SLC24A1: variants seen among roughly 807,000 people sequenced by gnomAD.
SLC24A1 encodes sodium/potassium/calcium exchanger 1.
SLC24A1 carries 52 observed loss-of-function variants against 88.1 expected under a neutral mutation model. That is an observed-to-expected ratio of 0.59 (90% confidence interval 0.47 to 0.74). The LOEUF is 0.74. Ranked by LOEUF, SLC24A1 falls within the 30% of genes least tolerant of loss-of-function variation. SLC24A1 has a pLI of 0.00. For missense variants in SLC24A1, 1,173 were observed against 1,363.3 expected, an observed-to-expected ratio of 0.86 and a Z score of 2.20; for synonymous variants, 455 against 498.0, an observed-to-expected ratio of 0.91 and a Z score of 1.15.
chr15:65,633,161 A>AT (rs1397979908), intron 2 of SLC24A1, among the ~76,000 whole-genome samples: 1 of 152,188 alleles, frequency 6.6e-6, no homozygotes, highest in Non-Finnish European at 1.5e-5. Flanking sequence ...TGAGAGGGCA[A>AT]TAAGAGACTG....
rs775293574 is a variant in SLC24A1 at position 65,644,477 on chromosome 15, G to A, written c.2104G>A (p.Ala702Thr). The A allele has an allele frequency of 1.3e-6, 2 of 1,596,830 alleles. No homozygotes were observed. Among genetic ancestry groups the A allele is most frequent in the Non-Finnish European group, 1.7e-6 (2 of 1,171,924 alleles). The change falls in exon 5 of 10, where the codon GCC becomes ACC. Residue 702 changes from alanine to threonine, a missense_variant. Transcript: ENST00000261892. ...EEESLNQGARAQPQAKAESKP... is the reference protein window; with the variant it reads ...EEESLNQGARTQPQAKAESKP... Reference sequence around the variant, plus strand: ...GGAGAGCTTGAATCAAGGGGCCAGAGCCCAACCCCAGGCCAAAGCAGAAAG... The same window carrying A: ...GGAGAGCTTGAATCAAGGGGCCAGAACCCAACCCCAGGCCAAAGCAGAAAG...
rs1211117958 is a variant in SLC24A1 at position 65,655,042 on chromosome 15, AC to A, written c.*964del. 3 of 1,042,234 alleles carry A rather than the reference AC, an allele frequency of 2.9e-6. No homozygotes were observed. Among genetic ancestry groups the A allele is most frequent in the Non-Finnish European group, 2.3e-6 (2 of 863,770 alleles). 64.6% of individuals were successfully genotyped at this position (1,042,234 alleles called of 1,614,324 possible). A position where few individuals can be genotyped will look rare whatever the true frequency, so the allele number is the denominator to read the frequency against. ...AAGGAATGGAGATTAGGGAAGGAAA[AC>A]TACTCTAGAGGCCATTTAAAAGTAT... On this transcript the variant is annotated 3_prime_UTR_variant, in exon 10 of 10. Coordinates refer to ENST00000261892, the MANE Select transcript of SLC24A1 (RefSeq NM_004727.3).
chr15:65,652,724 C>G lies in SLC24A1; in HGVS notation c.2966C>G (p.Thr989Ser). The G allele has an allele frequency of 6.2e-7, 1 of 1,613,854 alleles. No homozygotes were observed. Among genetic ancestry groups the G allele is most frequent in the Non-Finnish European group, 8.5e-7 (1 of 1,179,804 alleles). ...GGCACATCAATTCCTGACCTCATCA[C>G]CAGTGTGATTGTCGCTCGAAAAGGC... Reference protein sequence around the residue: ...AAGTSIPDLITSVIVARKGLG... With the variant: ...AAGTSIPDLISSVIVARKGLG... Residue 989 changes from threonine (T) to serine (S), a missense_variant, in exon 9 of 10, where the codon ACC (threonine) becomes AGC (serine). Physicochemically the swap from Thr to Ser is moderately conservative, Grantham distance 58. Coordinates refer to ENST00000261892, the MANE Select transcript of SLC24A1 (RefSeq NM_004727.3).
chr15:65,625,266 G>A lies in SLC24A1; in HGVS notation c.1186G>A (p.Val396Ile), dbSNP rs1252694546. 4.3e-6 allele frequency: 7 copies of A among 1,613,808 alleles called. No individual in the cohort carries two copies. The highest frequency in any genetic ancestry group is 5.9e-6 in the Non-Finnish European group (7 of 1,179,876). Residue 396 changes from valine to isoleucine, a missense_variant, in exon 2 of 10, where the codon GTT becomes ATT. Transcript: ENST00000261892. ...GACCATGCAGGTCCATCACTGTGTG[G>A]TTGTGAAGCCAACCCCAGCCATGCT... ...KLTMQVHHCV[V>I]VKPTPAMLTT...
Position 65,650,765 on chromosome 15 carries a change from GGAGGAGGAGGAA to G in SLC24A1, c.2620_2631del (p.Glu874_Glu877del), listed in dbSNP as rs1284681345. 10 of 1,603,876 alleles carry G rather than the reference GGAGGAGGAGGAA, an allele frequency of 6.2e-6. No homozygotes were observed. Among genetic ancestry groups the G allele is most frequent in the Non-Finnish European group, 8.5e-6 (10 of 1,174,726 alleles). On this transcript the variant is annotated inframe_deletion, in exon 7 of 10. Coordinates refer to ENST00000261892, the MANE Select transcript of SLC24A1 (RefSeq NM_004727.3). This position sits in a 1 kb window ranked among gnomAD's most constrained non-coding sequence, Gnocchi z 4.1. Reference sequence around the variant, plus strand: ...AGGAGGAGGAAGAGCAGGAGGAAGAGGAGGAGGAGGAAGAGCAGGAGGAAGAGGAGGAGGAGG... The same window carrying G: ...AGGAGGAGGAAGAGCAGGAGGAAGAGGAGCAGGAGGAAGAGGAGGAGGAGG...
intron 3 of SLC24A1, 27 bp downstream of exon 3, chr15:65,638,208 T>C: frequency 2.7e-6 from 4 of 1,502,898 alleles, no homozygotes; most frequent in Non-Finnish European, 3.7e-6. Context: ...GTCTGCCCAG[T>C]GGGGACACTG....
intron 6 of SLC24A1, among the ~76,000 whole-genome samples, chr15:65,647,437 C>G (rs1156301396): frequency 6.8e-6 from 1 of 146,092 alleles, no homozygotes; most frequent in African/African-American, 2.6e-5. Context: ...GAAGTCGCAC[C>G]ACTACACTCC....
rs2141460917 is a variant in SLC24A1, at chr15:65,624,636, G to A, written c.556G>A (p.Val186Met). Residue 186 changes from valine to methionine, a missense_variant, in exon 2 of 10, where the codon GTG becomes ATG. Physicochemically the swap from Val to Met is conservative, Grantham distance 21 (BLOSUM62 1). Transcript: ENST00000261892. ...SYSPTQVREK[V>M]KYTPSPRGRR... ...CAGCCCAACTCAAGTGAGGGAAAAG[G>A]TGAAGTATACTCCTTCCCCACGTGG... The A allele has an allele frequency of 1.3e-6, 2 of 1,593,802 alleles. No individual in the cohort carries two copies. The highest frequency in any genetic ancestry group is 4.6e-5 in the East Asian group (2 of 43,816).
Position 65,650,649 on chromosome 15 carries a change from A to C in SLC24A1, c.2500A>C (p.Ser834Arg). The C allele has an allele frequency of 2.6e-6, 4 of 1,548,542 alleles. No homozygotes were observed. The highest frequency in any genetic ancestry group is 3.5e-6 in the Non-Finnish European group (4 of 1,144,744). ...NEGETESQEL[S>R]AENHGEAKND... ...AGGTGAAACTGAAAGCCAGGAACTC[A>C]GTGCTGAAAATCACGGTGAAGCCAA... Residue 834 changes from serine to arginine, a missense_variant, in exon 7 of 10, where the codon AGT becomes CGT. By Grantham distance (110) the Ser-to-Arg change is moderately radical. Coordinates refer to ENST00000261892, the MANE Select transcript of SLC24A1 (RefSeq NM_004727.3). This position sits in a 1 kb window ranked among gnomAD's most constrained non-coding sequence, Gnocchi z 4.1.
chr15:65,646,229 T>C (rs1308920528), intron 6 of SLC24A1, among the ~76,000 whole-genome samples: 2 of 152,170 alleles, frequency 1.3e-5, no homozygotes, highest in Non-Finnish European at 2.9e-5. Context: ...TCCATGTTTT[T>C]CTTTTTTTTA....
chr15:65,621,133 T>C (rs955262144), upstream of SLC24A1, among the ~76,000 whole-genome samples: 6 of 152,160 alleles, frequency 3.9e-5, no homozygotes, highest in African/African-American at 1.4e-4. Context: ...CAGATGAAAG[T>C]AACCCAAAGC....
At position 65,655,360 on chromosome 15, in the gene SLC24A1, T is replaced by C. The variant is rs2075645476; in HGVS notation, c.*1281T>C. 2.0e-6 allele frequency: 2 copies of C among 985,224 alleles called. No homozygotes were observed. The highest frequency in any genetic ancestry group is 2.4e-6 in the Non-Finnish European group (2 of 829,756). The allele number at this position is 985,224 out of a possible 1,614,324, so 61.0% of individuals were successfully genotyped here. ...GGTTTATGAATGGATCTTAAGGTAA[T>C]TACAAAAGGGAAATTCCAAGAATGC... On this transcript the variant is annotated 3_prime_UTR_variant, in exon 10 of 10. Transcript: ENST00000261892.
At chr15:65,656,803 C>G (rs565783455), downstream of SLC24A1, among the ~76,000 whole-genome samples, 1 of 152,320 alleles carries the variant, frequency 6.6e-6, no homozygotes, top group East Asian at 1.9e-4. Flanking sequence ...GGTTAAGAGT[C>G]TATATAGTAC....
upstream of SLC24A1, among the ~76,000 whole-genome samples, chr15:65,620,338 T>G (rs2074280455): frequency 6.6e-6 from 1 of 152,114 alleles, no homozygotes. Flanking sequence ...CACAATCTGA[T>G]TGTGATACCT....
intron 2 of SLC24A1, among the ~76,000 whole-genome samples, chr15:65,635,243 A>T (rs2074877036): frequency 6.6e-6 from 1 of 151,792 alleles, no homozygotes; most frequent in South Asian, 2.1e-4. Context: ...GCACTCTGGG[A>T]GGCCGAGGCG....
At chr15:65,637,498 T>C (rs2074980994) in intron 2 of SLC24A1, among the ~76,000 whole-genome samples, 1 of 152,196 alleles carries the variant, frequency 6.6e-6, no homozygotes, top group Admixed American at 6.5e-5. Context: ...GAAAAAGGCA[T>C]GAACAAGGGA....
At chr15:65,623,865 G>A in intron 1 of SLC24A1, 90 bp from the exon 2 acceptor site, 2 of 497,382 alleles carry the variant, frequency 4.0e-6, no homozygotes, top group East Asian at 6.2e-5. Flanking sequence ...TGTTCCTGGG[G>A]CTTCTATTAT....
At position 65,625,259 on chromosome 15, in the gene SLC24A1, C is replaced by T; in HGVS notation, c.1179C>T (p.His393=). Residue 393 remains histidine (H), a synonymous_variant, in exon 2 of 10, where the codon CAC becomes CAT. Transcript: ENST00000261892. ...CAAAGCTGACCATGCAGGTCCATCA[C>T]TGTGTGGTTGTGAAGCCAACCCCAG... ...VRAKLTMQVH[H]CVVVKPTPAM... The T allele has an allele frequency of 6.2e-7, 1 of 1,613,992 alleles. No homozygotes were observed. The highest frequency in any genetic ancestry group is 8.5e-7 in the Non-Finnish European group (1 of 1,179,896).
At chr15:65,615,207 AAAAC>A (rs540023763) in intron 2 of SLC24A1, among the ~76,000 whole-genome samples, 93 of 151,994 alleles carry the variant, frequency 6.1e-4, no homozygotes, top group African/African-American at 1.5e-3. Flanking sequence ...CTTATCTCTA[AAAAC>A]AAACAAACAA....
Sources: allele counts gnomAD v4.1 joint callset (sites outside exome capture counted in the v4.1 genomes callset), GRCh38; gene constraint gnomAD v4.1.1; non-coding constraint Gnocchi (gnomAD v3.1); transcripts MANE v1.5; gene names NCBI Gene and HGNC (gene_info 2026-07-23, HGNC 2026-07-21).